Variants in HORMAD1 observed in about 807,000 individuals in gnomAD.
HORMAD1 encodes the protein HORMA domain-containing protein 1.
A neutral mutation model predicts 58.2 loss-of-function variants in HORMAD1; 33 were observed. The ratio of observed to expected loss-of-function variants is 0.57; its 90% CI spans 0.43 to 0.76. The LOEUF (loss-of-function observed/expected upper bound fraction) is 0.76. Among genes scored for constraint, HORMAD1 ranks in the 30% least tolerant of loss-of-function variants. The probability of loss-of-function intolerance (pLI) is 0.00; values close to 1 mark genes in which losing one functional copy is unlikely to be tolerated. For missense variants in HORMAD1, 363 were observed against 462.0 expected (o/e 0.79, Z 1.96); for synonymous variants, 137 against 144.6 (o/e 0.95, Z 0.38).
At chr1:150,711,719 G>A in intron 6 of HORMAD1, 114 bp downstream of exon 6, 1 of 935,598 alleles carries the variant, frequency 1.1e-6, no homozygotes, top group South Asian at 1.4e-5. Flanking sequence ...CCATTGAATA[G>A]ATCAGTTATT....
chr1:150,711,582 A>G lies in HORMAD1; in HGVS notation c.301-11T>C. 1.9e-6 allele frequency: 3 copies of G among 1,589,866 alleles called. No individual in the cohort carries two copies. The highest frequency in any genetic ancestry group is 2.6e-6 in the Non-Finnish European group (3 of 1,158,780). On this transcript the variant is annotated splice_polypyrimidine_tract_variant and intron_variant, in intron 6 of 14. Transcript: ENST00000361824. ...TGGGTTTGTGTATACCTATTTAAAAACAATTTACAATTGAGTTATCTAAGG... is the reference window on the plus strand; with the variant it reads ...TGGGTTTGTGTATACCTATTTAAAAGCAATTTACAATTGAGTTATCTAAGG...
chr1:150,707,869 G>A (rs909598871), intron 9 of HORMAD1, among the ~76,000 whole-genome samples: 30 of 152,162 alleles, frequency 2.0e-4, no homozygotes, highest in Admixed American at 2.0e-3. Flanking sequence ...CCAGGAGGTG[G>A]AGGCTGCAGT....
At position 150,705,044 on chromosome 1, in the gene HORMAD1, AAAAAC is replaced by A. The variant is rs779754063; in HGVS notation, c.805-706_805-702del. 5.5e-4 allele frequency among the ~76,000 whole-genome samples: 84 copies of A among 152,220 alleles called. 1 individual carries two copies. The South Asian group carries it at 0.015, about 27-fold the overall frequency. On this transcript the variant is annotated intron_variant, in intron 10 of 14. Coordinates refer to ENST00000361824, the MANE Select transcript of HORMAD1 (RefSeq NM_032132.5). Reference sequence around the variant, plus strand: ...GGCAAAAGAGCAAGACTCTGTCTCAAAAAACAAAACAAAACAAAACAAAACAAACA... The same window carrying A: ...GGCAAAAGAGCAAGACTCTGTCTCAAAAAACAAAACAAAACAAAACAAACA...
intron 6 of HORMAD1, 71 bp from the exon 7 acceptor site, chr1:150,711,642 T>C: frequency 8.2e-7 from 1 of 1,226,274 alleles, no homozygotes; most frequent in Non-Finnish European, 1.2e-6. Context: ...ATGTTTAGAC[T>C]AAACTTCATG....
chr1:150,714,657 C>T lies in HORMAD1; in HGVS notation c.200G>A (p.Arg67Lys). ...YLDDLCVKIL[R>K]EDKNCPGSTQ... ...AGATCCTGGGCAATTTTTATCTTCT[C>T]TCAGTATTTTGACACAAAGATCTAA... Residue 67 changes from arginine to lysine, a missense_variant, in exon 4 of 15, where the codon AGA becomes AAA. By Grantham distance (26) the Arg-to-Lys change is conservative. Coordinates refer to ENST00000361824, the MANE Select transcript of HORMAD1 (RefSeq NM_032132.5). 7.0e-7 allele frequency: 1 copy of T among 1,430,782 alleles called. No homozygotes were observed. Among genetic ancestry groups the T allele is most frequent in the Non-Finnish European group, 9.3e-7 (1 of 1,071,236 alleles). 88.6% of individuals were successfully genotyped at this position (1,430,782 alleles called of 1,614,324 possible).
chr1:150,720,298 G>C (rs751352470), intron 1 of HORMAD1, among the ~76,000 whole-genome samples: 2 of 152,102 alleles, frequency 1.3e-5, no homozygotes, highest in African/African-American at 4.8e-5. Flanking sequence ...TCCTGACCTC[G>C]TGATCCGCCC....
chr1:150,700,263 A>G, intron 13 of HORMAD1, 80 bp from the exon 14 acceptor site: 1 of 766,148 alleles, frequency 1.3e-6, no homozygotes, highest in Non-Finnish European at 2.3e-6. Context: ...TTATGCAACG[A>G]TATGCAATAT....
chr1:150,710,008 A>G (rs974567346), intron 7 of HORMAD1, among the ~76,000 whole-genome samples: 14 of 152,082 alleles, frequency 9.2e-5, no homozygotes, highest in African/African-American at 3.4e-4. Context: ...ATTCCTTTTT[A>G]CTAAAATAAT....
intron 3 of HORMAD1, among the ~76,000 whole-genome samples, chr1:150,716,662 T>G (rs587749786): frequency 2.6e-5 from 4 of 151,690 alleles, no homozygotes; most frequent in Non-Finnish European, 4.4e-5. Context: ...TCTGTTAATT[T>G]ATTAAAAATC....
intron 7 of HORMAD1, among the ~76,000 whole-genome samples, chr1:150,710,382 G>T (rs1201355932): frequency 6.6e-6 from 1 of 152,114 alleles, no homozygotes; most frequent in African/African-American, 2.4e-5. Context: ...AGAGATTAAA[G>T]ACAGTACATA....
At chr1:150,711,412 CA>C in intron 7 of HORMAD1, 132 bp downstream of exon 7, 1 of 707,658 alleles carries the variant, frequency 1.4e-6, no homozygotes, top group Non-Finnish European at 2.4e-6. Flanking sequence ...TTATGAAGCT[CA>C]AATGTGAAAA....
intron 8 of HORMAD1, 26 bp from the exon 9 acceptor site, chr1:150,708,433 A>AT: frequency 6.7e-7 from 1 of 1,492,460 alleles, no homozygotes; most frequent in South Asian, 1.3e-5. Context: ...ATATTAATTT[A>AT]TTTTATAAAA....
At chr1:150,700,809 G>A (rs1249955425) in intron 13 of HORMAD1, among the ~76,000 whole-genome samples, 2 of 151,806 alleles carry the variant, frequency 1.3e-5, no homozygotes, top group Non-Finnish European at 2.9e-5. Context: ...TTTTTTTATG[G>A]CTGATATTCA....
intron 3 of HORMAD1, among the ~76,000 whole-genome samples, chr1:150,715,073 C>T (rs1652028195): frequency 1.3e-5 from 2 of 152,146 alleles, no homozygotes; most frequent in South Asian, 4.2e-4. Flanking sequence ...GCGTGAGCCA[C>T]CTTGCCCAGC....
chr1:150,714,028 T>C (rs988646539), intron 5 of HORMAD1, 57 bp downstream of exon 5: 1 of 1,086,578 alleles, frequency 9.2e-7, no homozygotes, highest in African/African-American at 1.6e-5. Context: ...TAACTCCAGT[T>C]ATATTTGTAG....
intron 7 of HORMAD1, among the ~76,000 whole-genome samples, chr1:150,711,086 C>T (rs1447481378): frequency 1.3e-5 from 2 of 152,154 alleles, no homozygotes; most frequent in Non-Finnish European, 2.9e-5. Context: ...ATCTTTCCCC[C>T]TTGTTTCTTA....
chr1:150,702,301 G>C (rs1651560167), intron 13 of HORMAD1, among the ~76,000 whole-genome samples: 2 of 152,108 alleles, frequency 1.3e-5, no homozygotes, highest in Admixed American at 1.3e-4. Flanking sequence ...TGGAGAAATA[G>C]GAACACTTTT....
At chr1:150,700,261 C>T (rs587729840) in intron 13 of HORMAD1, 78 bp from the exon 14 acceptor site, 8 of 779,798 alleles carry the variant, frequency 1.0e-5, no homozygotes, top group South Asian at 7.4e-5. Flanking sequence ...TCTTATGCAA[C>T]GATATGCAAT....
At chr1:150,719,568 G>C (rs1211309004) in intron 1 of HORMAD1, 30 bp from the exon 2 acceptor site, 40 of 1,183,292 alleles carry the variant, frequency 3.4e-5, no homozygotes, top group Non-Finnish European at 4.7e-5. Flanking sequence ...CTTTAACTTA[G>C]AGCTCATTTT....
Sources: allele counts gnomAD v4.1 joint callset (sites outside exome capture counted in the v4.1 genomes callset), GRCh38; gene constraint gnomAD v4.1.1; transcripts MANE v1.5; gene names NCBI Gene and HGNC (gene_info 2026-07-23, HGNC 2026-07-21).